XRCC3: variants seen among roughly 807,000 people sequenced by gnomAD.
XRCC3 encodes the protein X-ray repair cross complementing 3.
A neutral mutation model predicts 29.2 loss-of-function variants in XRCC3; 34 were observed. The ratio of observed to expected loss-of-function variants is 1.16; its 90% CI spans 0.88 to 1.55. The LOEUF (loss-of-function observed/expected upper bound fraction) is 1.55, where lower values mean the gene tolerates loss of function less well. XRCC3 is among the 40% of genes most tolerant of loss of function. The pLI is 0.00. For synonymous variants in XRCC3, 223 were observed against 211.3 expected, an observed-to-expected ratio of 1.06 and a Z score of -0.48; for missense variants, 463 against 467.6, an observed-to-expected ratio of 0.99 and a Z score of 0.09.
At chr14:103,703,006 C>T in intron 7 of XRCC3, 167 bp downstream of exon 7, 1 of 1,056,782 alleles carries the variant, frequency 9.5e-7, no homozygotes, top group Non-Finnish European at 1.4e-6. Context: ...ATCCTCTGAC[C>T]CCACCTGCTC....
rs765292788 is a variant in XRCC3 at position 103,708,551 on chromosome 14, AAGG to A, written c.161_163del (p.Ser54del). Reference sequence around the variant, plus strand: ...AAGGATGCTGCTTCCCCGCAAGTGTAAGGAGGCCGTTCTCAGCAAGTGCCAGAC... The same window carrying A: ...AAGGATGCTGCTTCCCCGCAAGTGTAAGGCCGTTCTCAGCAAGTGCCAGAC... On this transcript the variant is annotated inframe_deletion, in exon 5 of 10. Coordinates refer to ENST00000555055, the MANE Select transcript of XRCC3 (RefSeq NM_005432.4). The A allele has an allele frequency of 1.3e-5, 21 of 1,613,938 alleles. No individual in the cohort carries two copies. Among genetic ancestry groups the A allele is most frequent in the Non-Finnish European group, 1.7e-5 (20 of 1,180,012 alleles).
At chr14:103,705,005 G>T (rs1354679703) in intron 6 of XRCC3, 1 of 152,164 alleles carries the variant, frequency 6.6e-6, no homozygotes, top group Non-Finnish European at 1.5e-5. Context: ...GTGAGTGTCC[G>T]CGTAACCTTT....
chr14:103,714,773 G>A (rs903634021), intron 1 of XRCC3, among the ~76,000 whole-genome samples: 1 of 152,098 alleles, frequency 6.6e-6, no homozygotes, highest in East Asian at 1.9e-4. Flanking sequence ...TCCGCCTCCC[G>A]GGTCCTGGTT....
At chr14:103,704,699 AC>A (rs1293497065) in intron 6 of XRCC3, 2 of 152,294 alleles carry the variant, frequency 1.3e-5, no homozygotes, top group Non-Finnish European at 2.9e-5. Context: ...GGCATGAGGT[AC>A]TGCGCCTATC....
rs551961527 is a variant in XRCC3, at chr14:103,707,962, C to T, written c.193+560G>A. The stretch of plus-strand genomic sequence containing the variant: ...GTGTGGCCGTGGCACCTGCCCACCA[C>T]GGCAGCCCCAAGTTCAGCACGTTCC... On this transcript the variant is annotated intron_variant, in intron 5 of 9. Coordinates refer to ENST00000555055, the MANE Select transcript of XRCC3 (RefSeq NM_005432.4). 8 of 217,720 alleles carry T rather than the reference C, an allele frequency of 3.7e-5. No individual in the cohort carries two copies. In the South Asian group the frequency reaches 4.5e-4, roughly 12 times the overall value. 13.5% of individuals were successfully genotyped at this position (217,720 alleles called of 1,614,324 possible). A position where few individuals can be genotyped will look rare whatever the true frequency, so the allele number is the denominator to read the frequency against.
intron 5 of XRCC3, chr14:103,707,869 C>A: frequency 5.4e-6 from 1 of 185,124 alleles, no homozygotes. Context: ...GCCTTGGGCA[C>A]CCCGTCCAGG....
intron 2 of XRCC3, chr14:103,711,861 C>T (rs953578680): frequency 1.5e-4 from 54 of 371,790 alleles, no homozygotes; most frequent in Non-Finnish European, 2.6e-4. Context: ...CCCCTGTCGG[C>T]CTCCCAAATG....
intron 6 of XRCC3, chr14:103,706,444 A>C: frequency 6.6e-6 from 3 of 455,418 alleles, no homozygotes; most frequent in South Asian, 4.7e-5. Context: ...TTAAAAGTTA[A>C]GGAGCTACTG....
intron 6 of XRCC3, chr14:103,705,042 G>GAAGCA: frequency 6.6e-6 from 1 of 152,208 alleles, no homozygotes; most frequent in Admixed American, 6.5e-5. Flanking sequence ...TGCTTTGACA[G>GAAGCA]AATTTCAAAC....
chr14:103,704,182 G>A (rs1290703327), intron 6 of XRCC3: 4 of 152,326 alleles, frequency 2.6e-5, no homozygotes, highest in African/African-American at 9.6e-5. Context: ...CAATGCCAAT[G>A]CAGGAAGCCT....
chr14:103,699,228 A>G (rs1457787460), intron 8 of XRCC3, 49 bp from the exon 9 acceptor site: 2 of 1,542,790 alleles, frequency 1.3e-6, no homozygotes, highest in Non-Finnish European at 1.7e-6. Flanking sequence ...GGTCTTCTCG[A>G]TGGTTAGGCA....
At chr14:103,701,104 G>A in intron 7 of XRCC3, 2 of 1,438,886 alleles carry the variant, frequency 1.4e-6, no homozygotes, top group Non-Finnish European at 1.9e-6. Flanking sequence ...AGGCAGACTT[G>A]GGGTGGGGGT....
chr14:103,699,108 G>A, intron 9 of XRCC3, 25 bp downstream of exon 9: 2 of 1,570,378 alleles, frequency 1.3e-6, no homozygotes, highest in East Asian at 2.4e-5. Context: ...GCACAGAGGT[G>A]CACACACCAC....
At chr14:103,708,175 C>T in intron 5 of XRCC3, 2 of 389,854 alleles carry the variant, frequency 5.1e-6, no homozygotes, top group Non-Finnish European at 9.8e-6. Context: ...GGGACCGTGG[C>T]CAGGGCCCCA....
chr14:103,698,731 G>A lies in XRCC3; in HGVS notation c.*67C>T, dbSNP rs1032706066. ...GCTGTGCCACGGCCCAGGCAGACGC[G>A]TTTTAAAGGCCCGAGCCCCGTGTGT... is the stretch of plus-strand genomic sequence containing the variant. On this transcript the variant is annotated 3_prime_UTR_variant, in exon 10 of 10. Transcript: ENST00000555055. 28 of 1,454,618 alleles carry A rather than the reference G, an allele frequency of 1.9e-5. 1 individual carries two copies. The Admixed American group carries it at 2.5e-4, about 13-fold the overall frequency. The allele number at this position is 1,454,618 out of a possible 1,614,324, so 90.1% of individuals were successfully genotyped here.
chr14:103,711,816 G>T (rs534698941), intron 2 of XRCC3: 250 of 427,538 alleles, frequency 5.8e-4, no homozygotes, highest in African/African-American at 5.0e-3. Flanking sequence ...TCAGCCTGGG[G>T]TCACATAAGG....
intron 7 of XRCC3, chr14:103,700,877 TC>T (rs1311412045): frequency 4.4e-6 from 3 of 683,888 alleles, no homozygotes; most frequent in Admixed American, 6.3e-5. Flanking sequence ...TGGCTCAGGG[TC>T]CCCATCCTCA....
rs1331177637 is a variant in XRCC3 at position 103,708,711 on chromosome 14, G to A, written c.56-52C>T. 7 of 1,611,546 alleles carry A rather than the reference G, an allele frequency of 4.3e-6. No individual in the cohort carries two copies. In the African/African-American group the frequency reaches 9.3e-5, roughly 22 times the overall value. On this transcript the variant is annotated intron_variant, in intron 4 of 9. Transcript: ENST00000555055. ...AAAATGTCAGACTGTCACAACGCAG[G>A]GCAACACAGTGACAAAAGGTGCTTT...
chr14:103,698,404 G>A lies in XRCC3; in HGVS notation c.*394C>T, dbSNP rs2082756830. 2 of 295,660 alleles carry A rather than the reference G, an allele frequency of 6.8e-6. No individual in the cohort carries two copies. The highest frequency in any genetic ancestry group is 6.4e-5 in the South Asian group (2 of 31,232). The allele number at this position is 295,660 out of a possible 1,614,324, so 18.3% of individuals were successfully genotyped here. ...CGGTCCCAAGGCTGAGGGGGTCTGAGGCCCCAGCCCAGGGGGCAGGCCTCA... is the reference window on the plus strand; with the variant it reads ...CGGTCCCAAGGCTGAGGGGGTCTGAAGCCCCAGCCCAGGGGGCAGGCCTCA... On this transcript the variant is annotated 3_prime_UTR_variant, in exon 10 of 10. Coordinates refer to ENST00000555055, the MANE Select transcript of XRCC3 (RefSeq NM_005432.4).
Sources: gnomAD v4.1 joint callset for allele counts (sites outside exome capture counted in the v4.1 genomes callset) on GRCh38, gnomAD v4.1.1 for gene constraint, MANE v1.5 for transcripts, NCBI Gene and HGNC (gene_info 2026-07-23, HGNC 2026-07-21) for gene names.